Variants in TIGAR observed in about 807,000 individuals in gnomAD.
TIGAR encodes fructose-2,6-bisphosphatase TIGAR.
In TIGAR, 7 loss-of-function variants were observed where a neutral mutation model predicts 17.9. The ratio of observed to expected loss-of-function variants is 0.39; its 90% CI spans 0.22 to 0.73. TIGAR has a LOEUF of 0.73. Among genes scored for constraint, TIGAR ranks in the 30% least tolerant of loss-of-function variants. The probability of loss-of-function intolerance (pLI) is 0.42; values close to 1 mark genes in which losing one functional copy is unlikely to be tolerated. For missense variants in TIGAR, 258 were observed against 327.4 expected (o/e 0.79, Z 1.64); for synonymous variants, 94 against 108.6 (o/e 0.87, Z 0.84).
chr12:4,322,904 A>C (rs1013054653), intron 1 of TIGAR, among the ~76,000 whole-genome samples: 1 of 152,034 alleles, frequency 6.6e-6, no homozygotes, highest in Non-Finnish European at 1.5e-5. Flanking sequence ...TAGAGGCCTG[A>C]TCACCCTTTC....
At chr12:4,341,269 CAA>C (rs1864716716) in intron 3 of TIGAR, among the ~76,000 whole-genome samples, 1 of 136,376 alleles carries the variant, frequency 7.3e-6, no homozygotes, top group Non-Finnish European at 1.7e-5. Context: ...ATACAAATGA[CAA>C]AGAGAGGGGG....
chr12:4,329,548 A>G (rs1057058312), intron 1 of TIGAR, among the ~76,000 whole-genome samples: 23 of 152,104 alleles, frequency 1.5e-4, no homozygotes, highest in African/African-American at 5.3e-4. Flanking sequence ...CATCTTGGCC[A>G]TGCTGGGCTT....
At chr12:4,340,360 C>G (rs561582515) in intron 3 of TIGAR, among the ~76,000 whole-genome samples, 1 of 152,046 alleles carries the variant, frequency 6.6e-6, no homozygotes, top group Non-Finnish European at 1.5e-5. Context: ...AAGAGCTCCA[C>G]AAGGAAAACT....
At chr12:4,340,710 A>G (rs1396801228) in intron 3 of TIGAR, among the ~76,000 whole-genome samples, 3 of 152,216 alleles carry the variant, frequency 2.0e-5, no homozygotes, top group African/African-American at 7.2e-5. Flanking sequence ...ATAGACCAAT[A>G]GACCAGAATA....
At chr12:4,335,350 T>C (rs1300114514) in intron 2 of TIGAR, among the ~76,000 whole-genome samples, 1 of 151,980 alleles carries the variant, frequency 6.6e-6, no homozygotes, top group African/African-American at 2.4e-5. Context: ...TTTTTTTTTT[T>C]ATTCCTTTAG....
intron 3 of TIGAR, among the ~76,000 whole-genome samples, chr12:4,344,978 A>G (rs1310094074): frequency 4.6e-5 from 7 of 152,326 alleles, no homozygotes; most frequent in Middle Eastern, 3.4e-3. Flanking sequence ...AATAACAAAC[A>G]GCCAAATCAT....
At chr12:4,325,165 C>G (rs1864530338) in intron 1 of TIGAR, among the ~76,000 whole-genome samples, 1 of 151,960 alleles carries the variant, frequency 6.6e-6, no homozygotes, top group Non-Finnish European at 1.5e-5. Context: ...TGGTCTCGAA[C>G]TCCCGACCTC....
At chr12:4,328,421 A>ACCTCAGGTGATCTGCCCTC (rs943941694) in intron 1 of TIGAR, among the ~76,000 whole-genome samples, 8 of 151,482 alleles carry the variant, frequency 5.3e-5, no homozygotes, top group African/African-American at 1.9e-4. Context: ...CGGACTCCTG[A>ACCTCAGGTGATCTGCCCTC]CCTCAGGTGA....
At chr12:4,335,059 C>T (rs1050652436) in intron 2 of TIGAR, among the ~76,000 whole-genome samples, 2 of 151,510 alleles carry the variant, frequency 1.3e-5, no homozygotes, top group African/African-American at 2.4e-5. Context: ...TTTTTTGAGA[C>T]GGAGTTTCAC....
At chr12:4,337,714 A>G (rs913024727) in intron 3 of TIGAR, among the ~76,000 whole-genome samples, 3 of 152,274 alleles carry the variant, frequency 2.0e-5, no homozygotes, top group African/African-American at 7.2e-5. Flanking sequence ...GGAAAATGAC[A>G]GGAGAAATTA....
intron 3 of TIGAR, among the ~76,000 whole-genome samples, chr12:4,347,612 A>G (rs1358279057): frequency 6.6e-6 from 1 of 152,178 alleles, no homozygotes; most frequent in Non-Finnish European, 1.5e-5. Flanking sequence ...GCTTACCAGG[A>G]TGTGATTGTC....
rs947957548 is a variant in TIGAR, at chr12:4,352,263, A to C, written c.385A>C (p.Lys129Gln). 6.2e-7 allele frequency: 1 copy of C among 1,604,116 alleles called. No homozygotes were observed. The highest frequency in any genetic ancestry group is 1.7e-5 in the Admixed American group (1 of 58,628). ...ACTTTTATTTCTTTTCTTGTAGGTG[A>C]AAATGCGTGGAATAGACTTTTTTGA... ...PPGGETLDQV[K>Q]MRGIDFFEFL... Residue 129 changes from lysine (K) to glutamine (Q), a missense_variant, in exon 6 of 6, where the codon AAA (lysine) becomes CAA (glutamine). By Grantham distance (53) the Lys-to-Gln change is moderately conservative (BLOSUM62 1). Transcript: ENST00000179259.
At chr12:4,331,519 G>A (rs1029113771) in intron 2 of TIGAR, among the ~76,000 whole-genome samples, 3 of 152,194 alleles carry the variant, frequency 2.0e-5, no homozygotes, top group African/African-American at 4.8e-5. Flanking sequence ...TGAACTGGGT[G>A]TGAAGTACAG....
intron 2 of TIGAR, 38 bp downstream of exon 2, chr12:4,331,355 T>A: frequency 6.3e-7 from 1 of 1,590,950 alleles, no homozygotes; most frequent in Non-Finnish European, 8.6e-7. Context: ...CTCTCACCCT[T>A]GTGTTAATAA....
intron 3 of TIGAR, among the ~76,000 whole-genome samples, chr12:4,341,975 T>G (rs1389114652): frequency 6.6e-6 from 1 of 152,110 alleles, no homozygotes; most frequent in Non-Finnish European, 1.5e-5. Context: ...TGCAAAGAAG[T>G]TAAAAACCTT....
rs1002791447 is a variant in TIGAR at position 4,321,390 on chromosome 12, C to G, written c.32+87C>G. On this transcript the variant is annotated intron_variant, in intron 1 of 5. Coordinates refer to ENST00000179259, the MANE Select transcript of TIGAR (RefSeq NM_020375.3). The surrounding 1 kb of genome is among the most constrained non-coding windows in gnomAD (Gnocchi z 5.2). ...GAAGGGAAAACGGGTCCACCACCCT[C>G]TCCCCTCCCTGCTCGCTCCAGCCCG... 11 of 1,563,642 alleles carry G rather than the reference C, an allele frequency of 7.0e-6. No homozygotes were observed. The highest frequency in any genetic ancestry group is 4.1e-5 in the African/African-American group (3 of 73,550).
chr12:4,345,553 C>T (rs1419320327), intron 3 of TIGAR, among the ~76,000 whole-genome samples: 1 of 152,164 alleles, frequency 6.6e-6, no homozygotes, highest in Non-Finnish European at 1.5e-5. Flanking sequence ...ACTGGCTAGC[C>T]ATATGTAGAA....
At chr12:4,338,499 C>CAGGGT (rs1433245159) in intron 3 of TIGAR, among the ~76,000 whole-genome samples, 2 of 151,926 alleles carry the variant, frequency 1.3e-5, no homozygotes, top group African/African-American at 2.4e-5. Flanking sequence ...ATTTGTGGGG[C>CAGGGT]AGAGTAATGG....
At position 4,357,902 on chromosome 12, in the gene TIGAR, G is replaced by T. The variant is rs1008479612; in HGVS notation, c.*5211G>T. On this transcript the variant is annotated 3_prime_UTR_variant, in exon 6 of 6. Coordinates refer to ENST00000179259, the MANE Select transcript of TIGAR (RefSeq NM_020375.3). ...GCAGATCACGAGGTCAGGAGATAGAGACCATCCTGGCTAACACAGTGAAAC... is the reference window on the plus strand; with the variant it reads ...GCAGATCACGAGGTCAGGAGATAGATACCATCCTGGCTAACACAGTGAAAC... Among the ~76,000 whole-genome samples the T allele has an allele frequency of 1.3e-5, 2 of 150,470 alleles. No homozygotes were observed. The highest frequency in any genetic ancestry group is 3.0e-5 in the Non-Finnish European group (2 of 67,708).
Sources: gnomAD v4.1 joint callset for allele counts (sites outside exome capture counted in the v4.1 genomes callset) on GRCh38, gnomAD v4.1.1 for gene constraint, Gnocchi (gnomAD v3.1) non-coding constraint, MANE v1.5 for transcripts, NCBI Gene and HGNC (gene_info 2026-07-23, HGNC 2026-07-21) for gene names.